Variants in PRL observed in about 807,000 individuals in gnomAD.
PRL encodes prolactin.
Under a neutral mutation model 21.3 loss-of-function variants are expected in PRL, and 24 were observed. The ratio of observed to expected loss-of-function variants is 1.13; its 90% CI spans 0.82 to 1.59. The LOEUF (loss-of-function observed/expected upper bound fraction) is 1.59, where lower values mean the gene tolerates loss of function less well. Ranked by LOEUF, PRL falls within the 40% of genes most tolerant of loss-of-function variation. PRL has a pLI of 0.00. For synonymous variants in PRL, 118 were observed against 115.7 expected (o/e 1.02, Z -0.13); for missense variants, 243 against 286.9 (o/e 0.85, Z 1.10).
In PRL at chr6:22,290,157, A is replaced by C; in HGVS notation, c.492+17T>G. The C allele has an allele frequency of 6.5e-7, 1 of 1,537,438 alleles. No individual in the cohort carries two copies. Among genetic ancestry groups the C allele is most frequent in the Non-Finnish European group, 8.8e-7 (1 of 1,131,946 alleles). On this transcript the variant is annotated intron_variant, in intron 4 of 4. Transcript: ENST00000306482. ...ATATTAATGAGAAAAACAAAGAAGCACCAGGAGGCTGCTCACCTGGCTGAC... is the reference window on the plus strand; with the variant it reads ...ATATTAATGAGAAAAACAAAGAAGCCCCAGGAGGCTGCTCACCTGGCTGAC...
At chr6:22,299,656 T>C (rs1761247270), upstream of PRL, among the ~76,000 whole-genome samples, 1 of 152,104 alleles carries the variant, frequency 6.6e-6, no homozygotes, top group African/African-American at 2.4e-5. Flanking sequence ...CTGATCAATA[T>C]GGTGAAACCC....
upstream of PRL, chr6:22,297,135 C>T (rs563119951): frequency 1.4e-5 from 10 of 716,398 alleles, no homozygotes; most frequent in Admixed American, 1.2e-4. Flanking sequence ...CATCTATTTC[C>T]GTCATTGAGA....
At chr6:22,299,320 T>A (rs2113520432), upstream of PRL, among the ~76,000 whole-genome samples, 1 of 152,360 alleles carries the variant, frequency 6.6e-6, no homozygotes, top group Middle Eastern at 3.4e-3. Flanking sequence ...AGTAGCTGAA[T>A]AAATAGCTCA....
chr6:22,296,825 TAG>T lies in PRL; in HGVS notation c.28+128_28+129del, dbSNP rs1369834234. The T allele has an allele frequency of 6.6e-5, 65 of 989,560 alleles. No homozygotes were observed. The East Asian group carries it at 1.7e-3, about 26-fold the overall frequency. 61.3% of individuals were successfully genotyped at this position (989,560 alleles called of 1,614,324 possible). A position where few individuals can be genotyped will look rare whatever the true frequency, so the allele number is the denominator to read the frequency against. On this transcript the variant is annotated intron_variant, in intron 1 of 4. Coordinates refer to ENST00000306482, the MANE Select transcript of PRL (RefSeq NM_000948.6). ...ATGGTGCCCTTGTAAAATTGCTTTC[TAG>T]AGGAAACATAAGATTGTGCTTCTAA...
chr6:22,290,293 G>A lies in PRL; in HGVS notation c.373C>T (p.His125Tyr). Residue 125 changes from histidine (H) to tyrosine (Y), a missense_variant, in exon 4 of 5, where the codon CAT becomes TAT. Transcript: ENST00000306482. ...ATACCACGTACTTCCGTGACCAGATGATACAGAGGCTCATTCCAGGATCGC... is the reference window on the plus strand; with the variant it reads ...ATACCACGTACTTCCGTGACCAGATAATACAGAGGCTCATTCCAGGATCGC... ...ILRSWNEPLY[H>Y]LVTEVRGMQE... 2.5e-6 allele frequency: 4 copies of A among 1,611,578 alleles called. No homozygotes were observed. Among genetic ancestry groups the A allele is most frequent in the Non-Finnish European group, 3.4e-6 (4 of 1,178,234 alleles).
chr6:22,298,810 T>G (rs1046691835), upstream of PRL, among the ~76,000 whole-genome samples: 15 of 152,094 alleles, frequency 9.9e-5, no homozygotes, highest in Non-Finnish European at 7.4e-5. Flanking sequence ...AGTAAGAAAA[T>G]CTGTTATAAG....
intron 2 of PRL, among the ~76,000 whole-genome samples, chr6:22,293,644 AAGGAAGGAAGGAAGGAAGGAAGGAAGG>A (rs1761105670): frequency 1.8e-5 from 1 of 56,232 alleles, no homozygotes; most frequent in Non-Finnish European, 4.0e-5. Context: ...GGAAGGAAGG[AAGGAAGGAAGGAAGGAAGGAAGGAAGG>A]AGGGAAGGAA....
intron 3 of PRL, 148 bp downstream of exon 3, chr6:22,292,390 C>T: frequency 1.4e-6 from 1 of 732,680 alleles, no homozygotes; most frequent in South Asian, 1.7e-5. Flanking sequence ...ATTTCATCAA[C>T]TACATAATGT....
rs1188950506 is a variant in PRL at position 22,289,209 on chromosome 6, G to A, written c.492+965C>T. Among the ~76,000 whole-genome samples the A allele has an allele frequency of 2.0e-5, 3 of 152,170 alleles. No individual in the cohort carries two copies. The East Asian group carries it at 5.8e-4, about 29-fold the overall frequency. On this transcript the variant is annotated intron_variant, in intron 4 of 4. Transcript: ENST00000306482. ...ATTTCACACATTCCAAGGTTAAAAT[G>A]TGCTTTGTGTTTGTTTTGGACATAT...
intron 2 of PRL, among the ~76,000 whole-genome samples, chr6:22,293,612 G>T (rs1228818780): frequency 3.4e-5 from 1 of 29,828 alleles, no homozygotes; most frequent in South Asian, 1.4e-3. Context: ...GGAAGGAAGG[G>T]AGGAGGGAAG....
intron 2 of PRL, among the ~76,000 whole-genome samples, chr6:22,293,645 A>AAAAG (rs1761105715): frequency 1.8e-5 from 1 of 54,920 alleles, no homozygotes; most frequent in African/African-American, 6.9e-5. Flanking sequence ...GAAGGAAGGA[A>AAAAG]GGAAGGAAGG....
At chr6:22,296,850 TA>T in intron 1 of PRL, 104 bp downstream of exon 1, 1 of 1,277,128 alleles carries the variant, frequency 7.8e-7, no homozygotes, top group Non-Finnish European at 1.1e-6. Context: ...ATTGTGCTTC[TA>T]AACCTTGTAA....
chr6:22,295,906 A>C (rs1761163368), intron 1 of PRL, among the ~76,000 whole-genome samples: 4 of 152,192 alleles, frequency 2.6e-5, no homozygotes, highest in Admixed American at 2.6e-4. Flanking sequence ...ATACCTAAAA[A>C]ATTGCTTAGT....
intron 2 of PRL, 35 bp downstream of exon 2, chr6:22,294,374 T>C: frequency 5.0e-6 from 8 of 1,612,468 alleles, no homozygotes; most frequent in Non-Finnish European, 6.8e-6. Context: ...ATGTGAAGGC[T>C]CCTTCAGGGA....
rs1761130665 is a variant in PRL at position 22,294,445 on chromosome 6, G to GTAGT, written c.164_167dup (p.Tyr56Ter). The GTAGT allele has an allele frequency of 1.3e-5, 21 of 1,614,196 alleles. No individual in the cohort carries two copies. Among genetic ancestry groups the GTAGT allele is most frequent in the Non-Finnish European group, 1.8e-5 (21 of 1,180,034 alleles). On this transcript the variant is annotated stop_gained and frameshift_variant, in exon 2 of 5. Coordinates refer to ENST00000306482, the MANE Select transcript of PRL (RefSeq NM_000948.6). LOFTEE classifies it high-confidence loss of function. Reference sequence around the variant, plus strand: ...ACATTTCTGAGGAGAGGTTATGGATGTAGTGGGACAGGACGACGGCGCGGT... The same window carrying GTAGT: ...ACATTTCTGAGGAGAGGTTATGGATGTAGTTAGTGGGACAGGACGACGGCGCGGT...
At chr6:22,291,655 CCTT>C (rs1761052018) in intron 3 of PRL, among the ~76,000 whole-genome samples, 1 of 152,030 alleles carries the variant, frequency 6.6e-6, no homozygotes, top group African/African-American at 2.4e-5. Context: ...TCTTCCTCCT[CCTT>C]CTCCCCTTTC....
intron 4 of PRL, among the ~76,000 whole-genome samples, chr6:22,289,628 G>A (rs973328521): frequency 6.6e-6 from 1 of 152,152 alleles, no homozygotes; most frequent in Non-Finnish European, 1.5e-5. Flanking sequence ...TCTCGTGCTT[G>A]TGGGACCTCC....
chr6:22,294,715 G>T, intron 1 of PRL, 131 bp from the exon 2 acceptor site: 1 of 978,730 alleles, frequency 1.0e-6, no homozygotes, highest in Non-Finnish European at 1.5e-6. Flanking sequence ...GTAATGGCTG[G>T]GATGGGGGAA....
chr6:22,290,059 C>T (rs546233707), intron 4 of PRL, 115 bp downstream of exon 4: 18 of 942,376 alleles, frequency 1.9e-5, no homozygotes, highest in African/African-American at 1.2e-4. Context: ...TATTTAATAG[C>T]GGTCTATAAT....
Sources: gnomAD v4.1 joint callset for allele counts (sites outside exome capture counted in the v4.1 genomes callset) on GRCh38, gnomAD v4.1.1 for gene constraint, MANE v1.5 for transcripts, NCBI Gene and HGNC (gene_info 2026-07-23, HGNC 2026-07-21) for gene names.